Variants in CHRM3 observed in about 807,000 individuals in gnomAD.
CHRM3 encodes cholinergic receptor muscarinic 3, also known as muscarinic acetylcholine receptor M3.
In CHRM3, 11 loss-of-function variants were observed where a neutral mutation model predicts 41.8. The ratio of observed to expected loss-of-function variants is 0.26; its 90% confidence interval spans 0.17 to 0.44. CHRM3 has a LOEUF of 0.44. CHRM3 is among the 20% of genes least tolerant of loss of function. The pLI, the probability that CHRM3 is intolerant of heterozygous loss-of-function variation, is 1.00. For missense variants in CHRM3, 571 were observed against 745.4 expected, an observed-to-expected ratio of 0.77 and a Z score of 2.72; for synonymous variants, 297 against 301.4, an observed-to-expected ratio of 0.99 and a Z score of 0.15.
chr1:239,534,823 A>G (rs1308139469), intron 2 of CHRM3, among the ~76,000 whole-genome samples: 1 of 152,254 alleles, frequency 6.6e-6, no homozygotes, highest in African/African-American at 2.4e-5. Flanking sequence ...AAATAATAAA[A>G]ATGATAATTT....
intron 4 of CHRM3, among the ~76,000 whole-genome samples, chr1:239,665,383 CTAAT>C (rs1273833168): frequency 2.0e-5 from 3 of 152,048 alleles, no homozygotes; most frequent in African/African-American, 4.8e-5. Flanking sequence ...CACCTATCCT[CTAAT>C]TACCTTGAAC....
At chr1:239,429,336 A>G (rs556230216) in intron 1 of CHRM3, among the ~76,000 whole-genome samples, 1 of 152,318 alleles carries the variant, frequency 6.6e-6, no homozygotes, top group Non-Finnish European at 1.5e-5. Flanking sequence ...ATTATCCCTG[A>G]GTACAAAGTT....
chr1:239,533,462 T>A (rs932289236), intron 2 of CHRM3, among the ~76,000 whole-genome samples: 3 of 151,414 alleles, frequency 2.0e-5, no homozygotes, highest in South Asian at 2.1e-4. Flanking sequence ...ATAGGCTGGG[T>A]GCAGTGGCTC....
intron 6 of CHRM3, among the ~76,000 whole-genome samples, chr1:239,893,231 C>T (rs1189980724): frequency 6.6e-6 from 1 of 152,176 alleles, no homozygotes; most frequent in Non-Finnish European, 1.5e-5. Context: ...TGCAAAAGAA[C>T]ACATTTTGGA....
At chr1:239,760,069 C>T (rs892751375) in intron 5 of CHRM3, among the ~76,000 whole-genome samples, 1 of 140,886 alleles carries the variant, frequency 7.1e-6, no homozygotes, top group Non-Finnish European at 1.5e-5. Flanking sequence ...CACCCGCCAC[C>T]ACACCCGGCT....
chr1:239,813,260 A>C (rs1384853385), intron 5 of CHRM3, among the ~76,000 whole-genome samples: 1 of 152,218 alleles, frequency 6.6e-6, no homozygotes, highest in Non-Finnish European at 1.5e-5. Flanking sequence ...CCTGGGCAAC[A>C]GAGTGAGACT....
chr1:239,588,404 G>A (rs1021634234), intron 3 of CHRM3, among the ~76,000 whole-genome samples: 8 of 152,144 alleles, frequency 5.3e-5, no homozygotes, highest in African/African-American at 1.7e-4. Context: ...TGGCATGCAG[G>A]AGACCCTCAA....
At chr1:239,453,198 C>CT (rs1664686451) in intron 1 of CHRM3, among the ~76,000 whole-genome samples, 1 of 152,206 alleles carries the variant, frequency 6.6e-6, no homozygotes, top group Non-Finnish European at 1.5e-5. Flanking sequence ...GCTCAATATG[C>CT]TGTCGTGATG....
At chr1:239,723,304 A>T (rs796553551) in intron 5 of CHRM3, among the ~76,000 whole-genome samples, 1 of 151,968 alleles carries the variant, frequency 6.6e-6, no homozygotes, top group African/African-American at 2.4e-5. Flanking sequence ...AAGGAAAAAA[A>T]TAAATGCATT....
At chr1:239,431,720 T>C (rs1208754114) in intron 1 of CHRM3, among the ~76,000 whole-genome samples, 1 of 152,242 alleles carries the variant, frequency 6.6e-6, no homozygotes, top group Non-Finnish European at 1.5e-5. Context: ...CAAACAGTGC[T>C]TGGTTCCCTT....
chr1:239,891,234 G>A (rs748443332), intron 6 of CHRM3, among the ~76,000 whole-genome samples: 8 of 152,100 alleles, frequency 5.3e-5, no homozygotes, highest in Non-Finnish European at 7.4e-5. Flanking sequence ...GAGTTCTATC[G>A]CCCAGAGGAG....
chr1:239,432,790 T>C (rs904300089), intron 1 of CHRM3, among the ~76,000 whole-genome samples: 1 of 152,218 alleles, frequency 6.6e-6, no homozygotes, highest in Non-Finnish European at 1.5e-5. Context: ...CCATTTTCTA[T>C]CTAAGGATCA....
chr1:239,874,326 T>TATATACAC (rs1327295792), intron 6 of CHRM3, among the ~76,000 whole-genome samples: 11 of 121,990 alleles, frequency 9.0e-5, no homozygotes, highest in Non-Finnish European at 1.5e-4. Context: ...TATATATATA[T>TATATACAC]ACACAGTTGA....
chr1:239,602,484 T>A (rs2148697919), intron 3 of CHRM3, among the ~76,000 whole-genome samples: 1 of 152,300 alleles, frequency 6.6e-6, no homozygotes, highest in East Asian at 1.9e-4. Context: ...CTGAAATAAC[T>A]GTTAATAAAA....
chr1:239,721,141 C>T (rs573440478), intron 5 of CHRM3, among the ~76,000 whole-genome samples: 1 of 151,884 alleles, frequency 6.6e-6, no homozygotes, highest in East Asian at 1.9e-4. Flanking sequence ...ATAATGATTC[C>T]TAATTCTCAA....
chr1:239,504,925 G>A (rs1668469170), intron 2 of CHRM3, among the ~76,000 whole-genome samples: 2 of 152,052 alleles, frequency 1.3e-5, no homozygotes, highest in Non-Finnish European at 2.9e-5. Flanking sequence ...AGGGTGGGAA[G>A]GGGGCAAGGG....
chr1:239,523,829 T>G (rs546123815), intron 2 of CHRM3, among the ~76,000 whole-genome samples: 1 of 152,336 alleles, frequency 6.6e-6, no homozygotes, highest in South Asian at 2.1e-4. Flanking sequence ...AAAACGTTTT[T>G]GTTTACATTT....
chr1:239,421,377 T>G (rs555470995), intron 1 of CHRM3, among the ~76,000 whole-genome samples: 5 of 152,206 alleles, frequency 3.3e-5, no homozygotes, highest in Admixed American at 1.3e-4. Flanking sequence ...CTTTCAGCTC[T>G]TTATATAGAG....
intron 1 of CHRM3, among the ~76,000 whole-genome samples, chr1:239,462,028 T>C (rs1463329362): frequency 1.3e-5 from 2 of 152,186 alleles, no homozygotes; most frequent in East Asian, 1.9e-4. Flanking sequence ...TGGATATAAA[T>C]ACTATTTCTA....
Sources: gnomAD v4.1 joint callset for allele counts (sites outside exome capture counted in the v4.1 genomes callset) on GRCh38, gnomAD v4.1.1 for gene constraint, MANE v1.5 for transcripts, NCBI Gene and HGNC (gene_info 2026-07-23, HGNC 2026-07-21) for gene names.